The following NDUFA6 variants were observed in gnomAD, a reference collection of about 807,000 sequenced individuals.
The protein encoded by NDUFA6 is NADH:ubiquinone oxidoreductase subunit A6, also known as NADH dehydrogenase [ubiquinone] 1 alpha subcomplex subunit 6.
NDUFA6 carries 10 observed loss-of-function variants against 12.5 expected under a neutral mutation model. The observed-to-expected ratio is 0.80, with a 90% CI of 0.49 to 1.35. The LOEUF (loss-of-function observed/expected upper bound fraction) is 1.35, where lower values mean the gene tolerates loss of function less well. NDUFA6 is among the 40% of genes most tolerant of loss of function. The pLI, the probability that NDUFA6 is intolerant of heterozygous loss-of-function variation, is 0.00. For synonymous variants in NDUFA6, 66 were observed against 63.0 expected, an observed-to-expected ratio of 1.05 and a Z score of -0.23; for missense variants, 177 against 173.5, an observed-to-expected ratio of 1.02 and a Z score of -0.11.
chr22:42,089,325 G>A (rs1928473104), intron 1 of NDUFA6, among the ~76,000 whole-genome samples: 2 of 75,980 alleles, frequency 2.6e-5, no homozygotes, highest in African/African-American at 1.3e-4. Context: ...GCACCACCCC[G>A]AAACACACAC....
Position 42,085,652 on chromosome 22 carries a change from A to G in NDUFA6, c.*531T>C. 1 of 209,436 alleles carries G rather than the reference A, an allele frequency of 4.8e-6. No homozygotes were observed. Among genetic ancestry groups the G allele is most frequent in the Non-Finnish European group, 9.8e-6 (1 of 102,376 alleles). The allele number at this position is 209,436 out of a possible 1,614,324, so 13.0% of individuals were successfully genotyped here. The stretch of plus-strand genomic sequence containing the variant: ...GCTGTGCACCTAAGCAGGGTGCCTG[A>G]GTAGGAAGTTAATTTCATTTTAAGG... On this transcript the variant is annotated 3_prime_UTR_variant, in exon 3 of 3. Transcript: ENST00000498737.
chr22:42,086,027 A>C lies in NDUFA6; in HGVS notation c.*156T>G, dbSNP rs1295354130. On this transcript the variant is annotated 3_prime_UTR_variant, in exon 3 of 3. Transcript: ENST00000498737. ...ACCACATTTCAAGAAAAGGGAAAGA[A>C]CAGGTGATGTGTATACCAAGGTCCC... 25 of 888,706 alleles carry C rather than the reference A, an allele frequency of 2.8e-5. No homozygotes were observed. The highest frequency in any genetic ancestry group is 3.9e-5 in the Non-Finnish European group (21 of 541,482). 55.1% of individuals were successfully genotyped at this position (888,706 alleles called of 1,614,324 possible).
intron 1 of NDUFA6, among the ~76,000 whole-genome samples, chr22:42,088,106 CAA>C (rs1182424559): frequency 4.8e-4 from 19 of 39,634 alleles, no homozygotes; most frequent in Admixed American, 8.6e-4. Context: ...GACTGTGTCT[CAA>C]AAAAAAAAAA....
In NDUFA6 at chr22:42,085,845, G is replaced by A. The variant is rs7245; in HGVS notation, c.*338C>T. The A allele has an allele frequency of 0.59, 237,580 of 402,616 alleles. 73,710 individuals are homozygous for A. The highest frequency in any genetic ancestry group is 0.91 in the African/African-American group (44,421 of 48,850). 24.9% of individuals were successfully genotyped at this position (402,616 alleles called of 1,614,324 possible). A position where few individuals can be genotyped will look rare whatever the true frequency, so the allele number is the denominator to read the frequency against. On this transcript the variant is annotated 3_prime_UTR_variant, in exon 3 of 3. Transcript: ENST00000498737. ...TTTAGATAATCTGTGCCCTGACACTGAAGTGTCTAATCATAGGGGCTATAG... is the reference window on the plus strand; with the variant it reads ...TTTAGATAATCTGTGCCCTGACACTAAAGTGTCTAATCATAGGGGCTATAG...
chr22:42,087,103 G>A lies in NDUFA6; in HGVS notation c.212C>T (p.Ala71Val). 5.0e-6 allele frequency: 8 copies of A among 1,614,122 alleles called. No individual in the cohort carries two copies. Among genetic ancestry groups the A allele is most frequent in the Non-Finnish European group, 6.8e-6 (8 of 1,179,988 alleles). ...DKVREMFMKN[A>V]HVTDPRVVDL... The stretch of plus-strand genomic sequence containing the variant: ...AACCACCCTGGGGTCTGTGACATGG[G>A]CATTCTTCATAAACATTTCTCGGAC... The change falls in exon 2 of 3, where the codon GCC (alanine) becomes GTC (valine). Residue 71 changes from alanine (A) to valine (V), a missense_variant. Ala to Val is a moderately conservative substitution (Grantham distance 64). Coordinates refer to ENST00000498737, the MANE Select transcript of NDUFA6 (RefSeq NM_002490.6).
Position 42,086,027 on chromosome 22 carries a change from AC to A in NDUFA6, c.*155del. 1 of 888,824 alleles carries A rather than the reference AC, an allele frequency of 1.1e-6. No homozygotes were observed. 55.1% of individuals were successfully genotyped at this position (888,824 alleles called of 1,614,324 possible). Reference sequence around the variant, plus strand: ...ACCACATTTCAAGAAAAGGGAAAGAACAGGTGATGTGTATACCAAGGTCCCA... The same window carrying A: ...ACCACATTTCAAGAAAAGGGAAAGAAAGGTGATGTGTATACCAAGGTCCCA... On this transcript the variant is annotated 3_prime_UTR_variant, in exon 3 of 3. Coordinates refer to ENST00000498737, the MANE Select transcript of NDUFA6 (RefSeq NM_002490.6).
intron 1 of NDUFA6, chr22:42,089,904 C>G (rs1928518147): frequency 6.3e-6 from 1 of 159,108 alleles, no homozygotes; most frequent in Admixed American, 5.9e-5. Flanking sequence ...GCACCGTGCT[C>G]CAGCTCACTC....
Position 42,086,030 on chromosome 22 carries a change from G to A in NDUFA6, c.*153C>T, listed in dbSNP as rs1928214933. On this transcript the variant is annotated 3_prime_UTR_variant, in exon 3 of 3. Transcript: ENST00000498737. ...ACATTTCAAGAAAAGGGAAAGAACA[G>A]GTGATGTGTATACCAAGGTCCCACT... The A allele has an allele frequency of 1.1e-5, 10 of 912,440 alleles. No individual in the cohort carries two copies. The East Asian group carries it at 2.2e-4, about 20-fold the overall frequency. The allele number at this position is 912,440 out of a possible 1,614,324, so 56.5% of individuals were successfully genotyped here.
intron 2 of NDUFA6, among the ~76,000 whole-genome samples, chr22:42,086,594 GCTTAA>G (rs2146872177): frequency 6.6e-6 from 1 of 152,316 alleles, no homozygotes; most frequent in African/African-American, 2.4e-5. Flanking sequence ...AACCTGACTG[GCTTAA>G]CTTATGTTTC....
At chr22:42,086,416 A>G (rs1928254720) in intron 2 of NDUFA6, 102 bp from the exon 3 acceptor site, 2 of 1,507,360 alleles carry the variant, frequency 1.3e-6, no homozygotes, top group Non-Finnish European at 1.8e-6. Context: ...GACTTGTTGA[A>G]TGACCTTGGG....
Position 42,090,610 on chromosome 22 carries a change from G to T in NDUFA6, c.135C>A (p.Asn45Lys), listed in dbSNP as rs941822223. 6.2e-7 allele frequency: 1 copy of T among 1,613,654 alleles called. No individual in the cohort carries two copies. Among genetic ancestry groups the T allele is most frequent in the Non-Finnish European group, 8.5e-7 (1 of 1,180,004 alleles). Residue 45 changes from asparagine to lysine, a missense_variant, in exon 1 of 3, where the codon AAC (asparagine) becomes AAA (lysine). Physicochemically the swap from Asn to Lys is moderately conservative, Grantham distance 94 (BLOSUM62 0). Around this residue, in one of 3 missense-constraint regions of NDUFA6, gnomAD observed 111 missense variants for 87.2 expected, o/e 1.27. Transcript: ENST00000498737. ...LYRAWYREVP[N>K]TVHQFQLDIT... ...ACGTAAGCCGCTACCTCTCACCAGT[G>T]TTCGGCACCTCCCGATACCAGGCGC... is the stretch of plus-strand genomic sequence containing the variant.
chr22:42,087,503 T>C (rs1928330203), intron 1 of NDUFA6, among the ~76,000 whole-genome samples: 1 of 152,248 alleles, frequency 6.6e-6, no homozygotes, highest in Non-Finnish European at 1.5e-5. Flanking sequence ...AGTGTATTTT[T>C]TAAAAAATTA....
Position 42,086,305 on chromosome 22 carries a change from C to T in NDUFA6, c.265G>A (p.Glu89Lys), listed in dbSNP as rs758833609. 41 of 1,614,082 alleles carry T rather than the reference C, an allele frequency of 2.5e-5. No individual in the cohort carries two copies. The highest frequency in any genetic ancestry group is 1.1e-4 in the East Asian group (5 of 44,898). The change falls in exon 3 of 3, where the codon GAA becomes AAA. Residue 89 changes from glutamate to lysine, a missense_variant. Physicochemically the swap from Glu to Lys is moderately conservative, Grantham distance 56. Coordinates refer to ENST00000498737, the MANE Select transcript of NDUFA6 (RefSeq NM_002490.6). The stretch of plus-strand genomic sequence containing the variant: ...CATACTTTAATTGTTTCTTCCAGTT[C>T]GATCTTTCCCTGAACAGTGAGGAGA... ...VDLLVIKGKI[E>K]LEETIKVWKQ...
rs2090548516 is a variant in NDUFA6 at position 42,085,574 on chromosome 22, C to T, written c.*609G>A. On this transcript the variant is annotated 3_prime_UTR_variant, in exon 3 of 3. Transcript: ENST00000498737. ...GTTTATTCTGCCACTGAGAGGTACA[C>T]CAGGGTTTCCAAAGACAGTAGGAAT... 1 of 163,678 alleles carries T rather than the reference C, an allele frequency of 6.1e-6. No homozygotes were observed. Among genetic ancestry groups the T allele is most frequent in the South Asian group, 1.6e-4 (1 of 6,062 alleles). 10.1% of individuals were successfully genotyped at this position (163,678 alleles called of 1,614,324 possible).
intron 2 of NDUFA6, 151 bp downstream of exon 2, chr22:42,086,909 C>A: frequency 1.4e-6 from 1 of 690,166 alleles, no homozygotes; most frequent in Non-Finnish European, 2.6e-6. Context: ...TGATAACCTC[C>A]AAGTTCAAGT....
At chr22:42,090,177 ACT>A (rs1928545518) in intron 1 of NDUFA6, 4 of 310,428 alleles carry the variant, frequency 1.3e-5, no homozygotes, top group East Asian at 1.6e-4. Flanking sequence ...ACACAGCGAG[ACT>A]CTGTCACAAA....
At chr22:42,086,679 G>C (rs920924552) in intron 2 of NDUFA6, among the ~76,000 whole-genome samples, 5 of 152,140 alleles carry the variant, frequency 3.3e-5, no homozygotes, top group African/African-American at 4.8e-5. Context: ...TGACTGGCCA[G>C]GGGGACAGAA....
Position 42,086,033 on chromosome 22 carries a change from G to C in NDUFA6, c.*150C>G. The C allele has an allele frequency of 1.1e-6, 1 of 927,824 alleles. No homozygotes were observed. The highest frequency in any genetic ancestry group is 1.3e-5 in the South Asian group (1 of 75,420). 57.5% of individuals were successfully genotyped at this position (927,824 alleles called of 1,614,324 possible). A position where few individuals can be genotyped will look rare whatever the true frequency, so the allele number is the denominator to read the frequency against. On this transcript the variant is annotated 3_prime_UTR_variant, in exon 3 of 3. Coordinates refer to ENST00000498737, the MANE Select transcript of NDUFA6 (RefSeq NM_002490.6). ...TTTCAAGAAAAGGGAAAGAACAGGTGATGTGTATACCAAGGTCCCACTTGC... is the reference window on the plus strand; with the variant it reads ...TTTCAAGAAAAGGGAAAGAACAGGTCATGTGTATACCAAGGTCCCACTTGC...
rs563232761 is a variant in NDUFA6, at chr22:42,085,868, T to C, written c.*315A>G. 29 of 458,690 alleles carry C rather than the reference T, an allele frequency of 6.3e-5. No homozygotes were observed. The highest frequency in any genetic ancestry group is 3.0e-4 in the African/African-American group (15 of 50,514). 28.4% of individuals were successfully genotyped at this position (458,690 alleles called of 1,614,324 possible). ...CTGAAGTGTCTAATCATAGGGGCTA[T>C]AGAAACAACTACATTAACAAGTCGT... On this transcript the variant is annotated 3_prime_UTR_variant, in exon 3 of 3. Coordinates refer to ENST00000498737, the MANE Select transcript of NDUFA6 (RefSeq NM_002490.6).
Sources: gnomAD v4.1 joint callset for allele counts (sites outside exome capture counted in the v4.1 genomes callset) on GRCh38, gnomAD v4.1.1 for gene constraint, gnomAD v4.1.1 regional missense constraint, MANE v1.5 for transcripts, NCBI Gene and HGNC (gene_info 2026-07-23, HGNC 2026-07-21) for gene names.